Variants in GLIS3 observed in about 807,000 individuals in gnomAD.
GLIS3 encodes GLIS family zinc finger 3, also known as zinc finger protein GLIS3.
GLIS3 carries 53 observed loss-of-function variants against 78.6 expected under a neutral mutation model. The observed-to-expected ratio is 0.67, with a 90% CI of 0.54 to 0.85. The LOEUF (loss-of-function observed/expected upper bound fraction) is 0.85. GLIS3 is among the 40% of genes least tolerant of loss of function. The pLI is 0.00. For synonymous variants in GLIS3, 684 were observed against 509.9 expected (o/e 1.34, Z -4.60); for missense variants, 1,703 against 1,231.1 (o/e 1.38, Z -5.74).
chr9:3,978,021 T>C (rs1818930123), intron 4 of GLIS3, among the ~76,000 whole-genome samples: 1 of 152,190 alleles, frequency 6.6e-6, no homozygotes, highest in African/African-American at 2.4e-5. Flanking sequence ...GAGGTCTTGG[T>C]TGAGTACTGA....
chr9:4,106,196 C>T (rs1386167117), intron 4 of GLIS3, among the ~76,000 whole-genome samples: 1 of 152,122 alleles, frequency 6.6e-6, no homozygotes, highest in South Asian at 2.1e-4. Context: ...ACTTTGTCAG[C>T]GTGATTATCT....
chr9:4,280,413 C>A (rs935038765), intron 2 of GLIS3, among the ~76,000 whole-genome samples: 1 of 152,124 alleles, frequency 6.6e-6, no homozygotes, highest in Non-Finnish European at 1.5e-5. Context: ...GGTTATATAA[C>A]ATGAAAGATA....
the GLIS3 span, among the ~76,000 whole-genome samples, chr9:4,385,291 T>C: frequency 3.3e-5 from 5 of 152,164 alleles, no homozygotes; most frequent in Non-Finnish European, 1.5e-5. Context: ...AGTTGATACC[T>C]AAAATCCAAA....
At chr9:4,346,328 AT>A (rs1817896438) in intron 2 of GLIS3, among the ~76,000 whole-genome samples, 1 of 152,188 alleles carries the variant, frequency 6.6e-6, no homozygotes, top group African/African-American at 2.4e-5. Flanking sequence ...TGGGGATACA[AT>A]ACATACAAAG....
intron 2 of GLIS3, among the ~76,000 whole-genome samples, chr9:4,279,378 T>A (rs1043037132): frequency 6.9e-6 from 1 of 144,172 alleles, no homozygotes; most frequent in Non-Finnish European, 1.5e-5. Flanking sequence ...ACATATTATA[T>A]ATATTTTATA....
chr9:3,934,410 ATTT>A (rs71308889), intron 5 of GLIS3, among the ~76,000 whole-genome samples: 5 of 138,468 alleles, frequency 3.6e-5, no homozygotes, highest in Admixed American at 7.2e-5. Context: ...TTTCTATTTG[ATTT>A]TTTTTTTTTT....
At chr9:4,203,270 G>A (rs559219067) in intron 2 of GLIS3, among the ~76,000 whole-genome samples, 1 of 152,286 alleles carries the variant, frequency 6.6e-6, no homozygotes, top group South Asian at 2.1e-4. Context: ...AAATCATAAT[G>A]AGGTAGCATC....
At chr9:4,339,942 T>G (rs1817811654) in intron 2 of GLIS3, among the ~76,000 whole-genome samples, 1 of 144,102 alleles carries the variant, frequency 6.9e-6, no homozygotes, top group Admixed American at 7.2e-5. Flanking sequence ...TGGTGGGTAG[T>G]TTCCTAGAGT....
intron 4 of GLIS3, among the ~76,000 whole-genome samples, chr9:3,952,582 C>T (rs1816772294): frequency 6.6e-6 from 1 of 152,140 alleles, no homozygotes; most frequent in Non-Finnish European, 1.5e-5. Flanking sequence ...CTGGAACTTG[C>T]CAGGTGCTCC....
At chr9:4,202,842 G>A (rs891351603) in intron 2 of GLIS3, among the ~76,000 whole-genome samples, 7 of 152,200 alleles carry the variant, frequency 4.6e-5, no homozygotes, top group East Asian at 1.9e-4. Flanking sequence ...AGATTTAAAT[G>A]TAAGACCTCA....
intron 2 of GLIS3, among the ~76,000 whole-genome samples, chr9:4,245,345 G>C (rs1035466230): frequency 2.0e-5 from 3 of 152,172 alleles, no homozygotes; most frequent in African/African-American, 7.2e-5. Context: ...AGTCACAGTT[G>C]CCTAGGAATC....
intron 2 of GLIS3, among the ~76,000 whole-genome samples, chr9:4,205,443 G>A (rs1819789072): frequency 6.6e-6 from 1 of 152,194 alleles, no homozygotes; most frequent in Admixed American, 6.5e-5. Flanking sequence ...GGGATACAAG[G>A]AGATATGTTC....
At chr9:4,058,712 A>G (rs527727018) in intron 4 of GLIS3, among the ~76,000 whole-genome samples, 16 of 152,262 alleles carry the variant, frequency 1.1e-4, no homozygotes, top group East Asian at 5.8e-4. Flanking sequence ...AGAGTGCGGT[A>G]GCTCAAGCCT....
At chr9:4,131,828 C>T (rs773891983) in intron 2 of GLIS3, among the ~76,000 whole-genome samples, 5 of 152,102 alleles carry the variant, frequency 3.3e-5, no homozygotes, top group Non-Finnish European at 7.4e-5. Flanking sequence ...ACTCAGCACA[C>T]TATCAAGCAC....
intron 4 of GLIS3, among the ~76,000 whole-genome samples, chr9:4,074,696 C>A (rs1827902440): frequency 6.6e-6 from 1 of 152,194 alleles, no homozygotes; most frequent in Non-Finnish European, 1.5e-5. Flanking sequence ...CCTCTACCAG[C>A]ACCTTTTCTT....
chr9:3,929,642 G>T (rs180813249), intron 6 of GLIS3, among the ~76,000 whole-genome samples: 3 of 152,214 alleles, frequency 2.0e-5, no homozygotes, highest in South Asian at 4.1e-4. Flanking sequence ...GGCAAGCAGG[G>T]TATATTAAAT....
At chr9:4,289,667 CA>C (rs1378487805) in intron 1 of GLIS3, among the ~76,000 whole-genome samples, 3 of 151,986 alleles carry the variant, frequency 2.0e-5, no homozygotes, top group African/African-American at 7.2e-5. Flanking sequence ...GTAACAAAAA[CA>C]AAAGAAACAA....
chr9:3,836,227 T>C lies in GLIS3; in HGVS notation c.2474-6735A>G, dbSNP rs144294917. ...GCCTGGGTAGAAGAATAAGCAGATA[T>C]CAGCGGCAGAGGCAGAATTGGCAGC... On this transcript the variant is annotated intron_variant, in intron 9 of 10. Coordinates refer to ENST00000381971, the MANE Select transcript of GLIS3 (RefSeq NM_001042413.2). Among the ~76,000 whole-genome samples the C allele has an allele frequency of 3.9e-5, 6 of 152,342 alleles. No homozygotes were observed. In the South Asian group the frequency reaches 6.2e-4, roughly 16 times the overall value.
intron 4 of GLIS3, among the ~76,000 whole-genome samples, chr9:4,029,347 A>G (rs1823616291): frequency 6.6e-6 from 1 of 151,902 alleles, no homozygotes; most frequent in Non-Finnish European, 1.5e-5. Context: ...TAGTAGGTGT[A>G]TATATTTATG....
Sources: allele counts gnomAD v4.1 joint callset (sites outside exome capture counted in the v4.1 genomes callset), GRCh38; gene constraint gnomAD v4.1.1; transcripts MANE v1.5; gene names NCBI Gene and HGNC (gene_info 2026-07-23, HGNC 2026-07-21).